KMT2C: variants seen among roughly 807,000 people sequenced by gnomAD.
KMT2C encodes lysine methyltransferase 2C.
Under a neutral mutation model 507.9 loss-of-function variants are expected in KMT2C, and 88 were observed. That is an observed-to-expected ratio of 0.17 (90% CI 0.15 to 0.21). The LOEUF is 0.21. Ranked by LOEUF, KMT2C falls within the 10% of genes least tolerant of loss-of-function variation. The pLI, the probability that KMT2C is intolerant of heterozygous loss-of-function variation, is 1.00. For missense variants in KMT2C, 4,954 were observed against 5,957.8 expected, an observed-to-expected ratio of 0.83 and a Z score of 5.55; for synonymous variants, 2,049 against 2,080.8, an observed-to-expected ratio of 0.98 and a Z score of 0.42.
intron 3 of KMT2C, among the ~76,000 whole-genome samples, chr7:152,325,727 T>C (rs1447278306): frequency 1.3e-5 from 2 of 152,182 alleles, no homozygotes; most frequent in Non-Finnish European, 2.9e-5. Flanking sequence ...ATTATAGGCA[T>C]GAGCCACTGT....
At chr7:152,392,668 C>G (rs1264641831) in intron 1 of KMT2C, among the ~76,000 whole-genome samples, 2 of 143,774 alleles carry the variant, frequency 1.4e-5, no homozygotes, top group African/African-American at 5.3e-5. Flanking sequence ...CCCTCCCCAG[C>G]ACAACAAGAA....
chr7:152,361,419 C>T (rs1313082296), intron 1 of KMT2C, among the ~76,000 whole-genome samples: 8 of 151,836 alleles, frequency 5.3e-5, no homozygotes, highest in Non-Finnish European at 8.8e-5. Context: ...AAAAATTAGC[C>T]GGGCGTGGTA....
chr7:152,181,477 T>G lies in KMT2C; in HGVS notation c.6383A>C (p.Gln2128Pro), dbSNP rs368424013. ...TCCTGGGGGTTGGGAGTATGGGTCC[T>G]GAGATGTTGGCCTTGATATGGTTCC... The part of the protein sequence containing the change: ...QPGTISRPTS[Q>P]DPYSQPPGTP... Residue 2128 changes from glutamine (Q) to proline (P), a missense_variant, in exon 36 of 59, where the codon CAG (glutamine) becomes CCG (proline). Gln to Pro is a moderately conservative substitution (Grantham distance 76). Around this residue, in one of 29 missense-constraint regions of KMT2C, gnomAD observed 1,689 missense variants for 1,654.3 expected, o/e 1.02. Transcript: ENST00000262189. 229 of 1,613,774 alleles carry G rather than the reference T, an allele frequency of 1.4e-4. No homozygotes were observed. Among genetic ancestry groups the G allele is most frequent in the Non-Finnish European group, 1.9e-4 (220 of 1,179,908 alleles).
chr7:152,349,705 T>C (rs1028051660), intron 2 of KMT2C, among the ~76,000 whole-genome samples: 2 of 152,050 alleles, frequency 1.3e-5, no homozygotes, highest in African/African-American at 4.8e-5. Context: ...ACTATGATAC[T>C]ATAATGACAG....
chr7:152,209,639 G>A (rs1051590528), intron 23 of KMT2C, among the ~76,000 whole-genome samples: 12 of 151,662 alleles, frequency 7.9e-5, no homozygotes, highest in African/African-American at 2.7e-4. Context: ...GGAGGCTGAG[G>A]TGGGAGAAGA....
At chr7:152,233,526 A>C (rs548492485) in intron 16 of KMT2C, among the ~76,000 whole-genome samples, 6 of 152,308 alleles carry the variant, frequency 3.9e-5, no homozygotes, top group Admixed American at 3.9e-4. Flanking sequence ...AAAATCAATA[A>C]AACAGAAAGG....
chr7:152,327,485 C>G (rs1470083111), intron 3 of KMT2C, among the ~76,000 whole-genome samples: 1 of 152,188 alleles, frequency 6.6e-6, no homozygotes, highest in South Asian at 2.1e-4. Context: ...GGCTCTCAGG[C>G]ACCTGCTCTA....
At chr7:152,149,890 G>A (rs958645873) in intron 51 of KMT2C, among the ~76,000 whole-genome samples, 15 of 152,000 alleles carry the variant, frequency 9.9e-5, no homozygotes, top group Non-Finnish European at 1.9e-4. Context: ...ATCAGGCAGG[G>A]ACTGCACACC....
chr7:152,185,912 T>C (rs2093612404), intron 33 of KMT2C, among the ~76,000 whole-genome samples: 1 of 152,174 alleles, frequency 6.6e-6, no homozygotes, highest in African/African-American at 2.4e-5. Flanking sequence ...AAGCCAGACA[T>C]AATAAATTCC....
chr7:152,157,918 G>C, intron 44 of KMT2C: 1 of 1,330,388 alleles, frequency 7.5e-7, no homozygotes, highest in Non-Finnish European at 9.9e-7. Flanking sequence ...AGGGAGCAGA[G>C]AGAGCTGCTA....
At chr7:152,350,307 CTG>C (rs1200182302) in intron 2 of KMT2C, among the ~76,000 whole-genome samples, 1 of 152,062 alleles carries the variant, frequency 6.6e-6, no homozygotes, top group Admixed American at 6.6e-5. Flanking sequence ...CTAGAAGTAA[CTG>C]AATGTATCGA....
At position 152,151,446 on chromosome 7, in the gene KMT2C, T is replaced by C. The variant is rs1201348614; in HGVS notation, c.12662A>G (p.Asn4221Ser). 9 of 1,613,994 alleles carry C rather than the reference T, an allele frequency of 5.6e-6. No homozygotes were observed. Among genetic ancestry groups the C allele is most frequent in the Non-Finnish European group, 7.6e-6 (9 of 1,179,910 alleles). ...ATAAAAGGAGTAGCAAAGTACCTTG[T>C]TCAAAAGGGTCAGATCTTTGAAAGA... ...RKSFKDLTLL[N>S]KDSRESTKRV... Residue 4221 changes from asparagine to serine, a missense_variant, in exon 50 of 59, where the codon AAC becomes AGC. Coordinates refer to ENST00000262189, the MANE Select transcript of KMT2C (RefSeq NM_170606.3).
Position 152,154,113 on chromosome 7 carries a change from T to C in KMT2C, c.12173A>G (p.Glu4058Gly), listed in dbSNP as rs754876682. 6.2e-7 allele frequency: 1 copy of C among 1,614,098 alleles called. No homozygotes were observed. Among genetic ancestry groups the C allele is most frequent in the South Asian group, 1.1e-5 (1 of 91,082 alleles). ...TGACGCAAAATATAAAGTGCCTGGC[T>C]CAGTTTTGATGTCATTCCTTCTTGA... ...SESRRNDIKT[E>G]PGTLYFASPF... Residue 4058 changes from glutamate (E) to glycine (G), a missense_variant, in exon 48 of 59, where the codon GAG (glutamate) becomes GGG (glycine). Physicochemically the swap from Glu to Gly is moderately conservative, Grantham distance 98 (BLOSUM62 -2). Around this residue, in one of 29 missense-constraint regions of KMT2C, gnomAD observed 417 missense variants for 461.1 expected, o/e 0.90. Transcript: ENST00000262189.
chr7:152,187,750 G>C lies in KMT2C; in HGVS notation c.4758C>G (p.Phe1586Leu), dbSNP rs781008611. 1 of 1,614,082 alleles carries C rather than the reference G, an allele frequency of 6.2e-7. No individual in the cohort carries two copies. The change falls in exon 32 of 59, where the codon TTC becomes TTG. Residue 1586 changes from phenylalanine (F) to leucine (L), a missense_variant. Around this residue, in one of 29 missense-constraint regions of KMT2C, gnomAD observed 195 missense variants for 183.7 expected, o/e 1.06. Coordinates refer to ENST00000262189, the MANE Select transcript of KMT2C (RefSeq NM_170606.3). ...SLPPGSGLGT[F>L]SAIAQSSYPD... ...GATAAGAGGATTGTGCAATTGCAGA[G>C]AAAGTTCCCAGTCCGCTTCCAGGTG... is the stretch of plus-strand genomic sequence containing the variant.
chr7:152,321,673 A>T (rs1379615473), intron 3 of KMT2C, among the ~76,000 whole-genome samples: 1 of 152,018 alleles, frequency 6.6e-6, no homozygotes, highest in Non-Finnish European at 1.5e-5. Flanking sequence ...CATTTACAAT[A>T]GCAACAAAAA....
At position 152,262,968 on chromosome 7, in the gene KMT2C, T is replaced by A. The variant is rs148883872; in HGVS notation, c.1299+48A>T. On this transcript the variant is annotated intron_variant, in intron 9 of 58. Transcript: ENST00000262189. ...AGGTATCCGATTTGTCTGGTCTCCA[T>A]ATAAAACATAGAGAGGATTTAAAAA... 7 of 1,417,874 alleles carry A rather than the reference T, an allele frequency of 4.9e-6. No homozygotes were observed. In the South Asian group the frequency reaches 8.7e-5, roughly 18 times the overall value. 87.8% of individuals were successfully genotyped at this position (1,417,874 alleles called of 1,614,324 possible). A position where few individuals can be genotyped will look rare whatever the true frequency, so the allele number is the denominator to read the frequency against.
rs2129113724 is a variant in KMT2C, at chr7:152,176,833, C to T, written c.8620G>A (p.Asp2874Asn). ...DGEKTSLHPCDPDLFEKRTNR... is the reference protein window; with the variant it reads ...DGEKTSLHPCNPDLFEKRTNR... ...GTTCTTTTCTCAAATAGATCTGGAT[C>T]ACAAGGATGCAAAGAAGTCTTTTCT... The change falls in exon 38 of 59, where the codon GAT becomes AAT. Residue 2874 changes from aspartate to asparagine, a missense_variant. Around this residue, in one of 29 missense-constraint regions of KMT2C, gnomAD observed 1,689 missense variants for 1,654.3 expected, o/e 1.02. Coordinates refer to ENST00000262189, the MANE Select transcript of KMT2C (RefSeq NM_170606.3). The T allele has an allele frequency of 6.2e-7, 1 of 1,614,194 alleles. No individual in the cohort carries two copies. Among genetic ancestry groups the T allele is most frequent in the Non-Finnish European group, 8.5e-7 (1 of 1,180,028 alleles).
intron 15 of KMT2C, among the ~76,000 whole-genome samples, chr7:152,237,942 G>A (rs1472104104): frequency 1.3e-5 from 2 of 152,292 alleles, no homozygotes; most frequent in Non-Finnish European, 2.9e-5. Flanking sequence ...AAAATTGGTG[G>A]TCTATATTAT....
At chr7:152,216,843 A>G (rs571920407) in intron 23 of KMT2C, among the ~76,000 whole-genome samples, 2 of 152,320 alleles carry the variant, frequency 1.3e-5, no homozygotes, top group African/African-American at 4.8e-5. Flanking sequence ...GACACAAGAC[A>G]CAATTGCTCA....
Sources: gnomAD v4.1 joint callset for allele counts (sites outside exome capture counted in the v4.1 genomes callset) on GRCh38, gnomAD v4.1.1 for gene constraint, gnomAD v4.1.1 regional missense constraint, MANE v1.5 for transcripts, NCBI Gene and HGNC (gene_info 2026-07-23, HGNC 2026-07-21) for gene names.